Variants in SLC26A9 observed in about 807,000 individuals in gnomAD.
SLC26A9 encodes the protein anion transporter/exchanger protein 9.
In SLC26A9, 46 loss-of-function variants were observed where a neutral mutation model predicts 87.1. The ratio of observed to expected loss-of-function variants is 0.53; its 90% CI spans 0.42 to 0.67. The LOEUF is 0.67. Among genes scored for constraint, SLC26A9 ranks in the 30% least tolerant of loss-of-function variants. SLC26A9 has a pLI of 0.00. For synonymous variants in SLC26A9, 437 were observed against 409.1 expected, an observed-to-expected ratio of 1.07 and a Z score of -0.82; for missense variants, 927 against 1,018.3, an observed-to-expected ratio of 0.91 and a Z score of 1.22.
intron 20 of SLC26A9, among the ~76,000 whole-genome samples, chr1:205,916,839 T>C (rs1658611654): frequency 1.3e-5 from 2 of 152,160 alleles, no homozygotes; most frequent in South Asian, 2.1e-4. Context: ...TCGTGGCTTA[T>C]GCCTGTAATC....
intron 8 of SLC26A9, among the ~76,000 whole-genome samples, 169 bp downstream of exon 8, chr1:205,928,658 G>T (rs552935429): frequency 6.6e-6 from 1 of 152,294 alleles, no homozygotes; most frequent in South Asian, 2.1e-4. Flanking sequence ...ACATTGGCTG[G>T]TTGTGCGGCC....
intron 1 of SLC26A9, among the ~76,000 whole-genome samples, chr1:205,939,104 G>A (rs1375919666): frequency 1.3e-5 from 2 of 152,206 alleles, no homozygotes; most frequent in Non-Finnish European, 2.9e-5. Context: ...AAGGCTCTGG[G>A]AGCTTTCACA....
intron 1 of SLC26A9, among the ~76,000 whole-genome samples, chr1:205,940,520 A>G (rs767012511): frequency 2.6e-5 from 4 of 152,104 alleles, no homozygotes; most frequent in Non-Finnish European, 4.4e-5. Context: ...AACTATCATC[A>G]TTACTGCTAT....
Position 205,917,556 on chromosome 1 carries a change from A to T in SLC26A9, c.2257-202T>A, listed in dbSNP as rs146595142. 7.9e-3 allele frequency among the ~76,000 whole-genome samples: 1,207 copies of T among 152,272 alleles called. 13 individuals carry two copies. The highest frequency in any genetic ancestry group is 0.012 in the Non-Finnish European group (800 of 68,030). On this transcript the variant is annotated intron_variant, in intron 19 of 20. Transcript: ENST00000367135. ...TCCCCCTTATACCAGACAGGTGTGT[A>T]TCGCGGTCTTCCCTCCTTTGTGGGC...
intron 17 of SLC26A9, among the ~76,000 whole-genome samples, chr1:205,921,118 G>C (rs529954908): frequency 1.3e-5 from 2 of 152,244 alleles, no homozygotes; most frequent in Non-Finnish European, 1.5e-5. Flanking sequence ...ATTCATTCAA[G>C]GTGTCCCGTG....
At chr1:205,920,084 T>C (rs1658762242) in intron 18 of SLC26A9, 92 bp downstream of exon 18, 1 of 1,479,048 alleles carries the variant, frequency 6.8e-7, no homozygotes. Context: ...TGCTCTCGTT[T>C]CCAACCTCCT....
At position 205,932,984 on chromosome 1, in the gene SLC26A9, G is replaced by T. The variant is rs761801692; in HGVS notation, c.226C>A (p.Leu76Ile). Residue 76 changes from leucine to isoleucine, a missense_variant, in exon 3 of 21, where the codon CTC becomes ATC. Physicochemically the swap from Leu to Ile is conservative, Grantham distance 5 (BLOSUM62 2). Transcript: ENST00000367135. ...KIKDYIIPDL[L>I]GGLSGGSIQV... is the part of the protein sequence containing the mutation. ...ATGGATCCCCCGCTGAGTCCACCGAGCAGGTCAGGAATGATGTAGTCTTTA... is the reference window on the plus strand; with the variant it reads ...ATGGATCCCCCGCTGAGTCCACCGATCAGGTCAGGAATGATGTAGTCTTTA... 2 of 1,614,170 alleles carry T rather than the reference G, an allele frequency of 1.2e-6. No individual in the cohort carries two copies. Among genetic ancestry groups the T allele is most frequent in the South Asian group, 1.1e-5 (1 of 91,080 alleles).
chr1:205,920,247 G>C lies in SLC26A9; in HGVS notation c.2056-17C>G, dbSNP rs751558991. On this transcript the variant is annotated splice_polypyrimidine_tract_variant and intron_variant, in intron 17 of 20. Coordinates refer to ENST00000367135, the MANE Select transcript of SLC26A9 (RefSeq NM_052934.4). Reference sequence around the variant, plus strand: ...GGAGCTCAGCTAGAAGTGTTGTTGGGGTAGGGAGGCAAAAGGAAAGGAATG... The same window carrying C: ...GGAGCTCAGCTAGAAGTGTTGTTGGCGTAGGGAGGCAAAAGGAAAGGAATG... 6.2e-7 allele frequency: 1 copy of C among 1,613,876 alleles called. No individual in the cohort carries two copies. The highest frequency in any genetic ancestry group is 8.5e-7 in the Non-Finnish European group (1 of 1,179,814).
chr1:205,922,995 G>C (rs1356609886), intron 16 of SLC26A9, 87 bp downstream of exon 16: 12 of 1,299,442 alleles, frequency 9.2e-6, no homozygotes, highest in Non-Finnish European at 1.2e-5. Context: ...GTGGGAAGCG[G>C]GGCCCCCAGG....
chr1:205,933,027 C>A lies in SLC26A9; in HGVS notation c.183G>T (p.Trp61Cys). 1 of 1,614,072 alleles carries A rather than the reference C, an allele frequency of 6.2e-7. No individual in the cohort carries two copies. The highest frequency in any genetic ancestry group is 1.3e-5 in the African/African-American group (1 of 74,988). ...VVFGLLPVLS[W>C]LPKYKIKDYI... ...AGTCTTTAATCTTGTACTTGGGGAG[C>A]CAGGAGAGCACAGGCAGCAGCCCAA... The change falls in exon 3 of 21, where the codon TGG (tryptophan) becomes TGT (cysteine). Residue 61 changes from tryptophan to cysteine, a missense_variant. Trp to Cys is a radical substitution (Grantham distance 215, BLOSUM62 -2). Coordinates refer to ENST00000367135, the MANE Select transcript of SLC26A9 (RefSeq NM_052934.4).
Position 205,920,156 on chromosome 1 carries a change from A to C in SLC26A9, c.2110+20T>G. 1.2e-6 allele frequency: 2 copies of C among 1,613,584 alleles called. No individual in the cohort carries two copies. The highest frequency in any genetic ancestry group is 1.7e-6 in the Non-Finnish European group (2 of 1,179,588). On this transcript the variant is annotated intron_variant, in intron 18 of 20. Transcript: ENST00000367135. ...ACTCCTTGCCAGTCTTTCAGTCCCT[A>C]AATGTCCTCTTTCTCTTACCATGGA...
In SLC26A9 at chr1:205,929,946, C is replaced by T. The variant is rs759461346; in HGVS notation, c.663G>A (p.Lys221=). The T allele has an allele frequency of 6.2e-7, 1 of 1,613,692 alleles. No individual in the cohort carries two copies. Among genetic ancestry groups the T allele is most frequent in the Non-Finnish European group, 8.5e-7 (1 of 1,179,636 alleles). The change falls in exon 6 of 21, where the codon AAG becomes AAA. Residue 221 remains lysine, a synonymous_variant. Coordinates refer to ENST00000367135, the MANE Select transcript of SLC26A9 (RefSeq NM_052934.4). Reference sequence around the variant, plus strand: ...AGGGGATGGTCAGTCCGAAGATGTACTTGAGCACCGAAATCAGGATCTGCA... The same window carrying T: ...AGGGGATGGTCAGTCCGAAGATGTATTTGAGCACCGAAATCAGGATCTGCA... ...AGLQILISVL[K]YIFGLTIPSY...
In SLC26A9 at chr1:205,932,024, C is replaced by T. The variant is rs141991495; in HGVS notation, c.388G>A (p.Val130Ile). ...ATGTTACCCACCAGGATGCTGATAA[C>T]GGCAAAGGTACCTGTGGTGCCCCAC... Reference protein sequence around the residue: ...VHQMVPGTFAVISILVGNICL... With the variant: ...VHQMVPGTFAIISILVGNICL... The change falls in exon 5 of 21, where the codon GTT (valine) becomes ATT (isoleucine). Residue 130 changes from valine to isoleucine, a missense_variant. Transcript: ENST00000367135. The T allele has an allele frequency of 4.3e-4, 693 of 1,613,986 alleles. No homozygotes were observed. Among genetic ancestry groups the T allele is most frequent in the Non-Finnish European group, 5.7e-4 (670 of 1,179,960 alleles).
chr1:205,921,548 T>A lies in SLC26A9; in HGVS notation c.2055+18A>T. 1.9e-6 allele frequency: 3 copies of A among 1,598,776 alleles called. No individual in the cohort carries two copies. Among genetic ancestry groups the A allele is most frequent in the African/African-American group, 2.7e-5 (2 of 74,604 alleles). ...AGGGGGTGGAGTGGGTGGTGCTTGC[T>A]GTTCCCGAGGGCCTCACCTTGGCCA... On this transcript the variant is annotated intron_variant, in intron 17 of 20. Coordinates refer to ENST00000367135, the MANE Select transcript of SLC26A9 (RefSeq NM_052934.4).
chr1:205,926,120 A>T (rs868305683), intron 12 of SLC26A9, among the ~76,000 whole-genome samples: 12 of 151,806 alleles, frequency 7.9e-5, no homozygotes, highest in African/African-American at 1.5e-4. Context: ...GTTTTTTTTT[A>T]AAATACAAAC....
At chr1:205,922,359 G>GA (rs1343281689) in intron 16 of SLC26A9, among the ~76,000 whole-genome samples, 2 of 152,156 alleles carry the variant, frequency 1.3e-5, no homozygotes, top group African/African-American at 4.8e-5. Flanking sequence ...GGCTGGTCTC[G>GA]AACTCCTGAA....
chr1:205,939,364 C>A (rs1317644041), intron 1 of SLC26A9, among the ~76,000 whole-genome samples: 1 of 152,170 alleles, frequency 6.6e-6, no homozygotes, highest in Non-Finnish European at 1.5e-5. Context: ...GGTGACCTTG[C>A]CACCCCAGCT....
intron 8 of SLC26A9, 126 bp from the exon 9 acceptor site, chr1:205,928,175 C>G: frequency 8.6e-7 from 1 of 1,162,944 alleles, no homozygotes; most frequent in East Asian, 2.6e-5. Flanking sequence ...CTAAGTTATC[C>G]CATCCAGTCT....
chr1:205,918,344 T>C (rs748450187), intron 19 of SLC26A9, among the ~76,000 whole-genome samples: 2 of 152,182 alleles, frequency 1.3e-5, no homozygotes, highest in Non-Finnish European at 2.9e-5. Context: ...GTAAATTAAA[T>C]GTCAAAAAGC....
Sources: allele counts gnomAD v4.1 joint callset (sites outside exome capture counted in the v4.1 genomes callset), GRCh38; gene constraint gnomAD v4.1.1; transcripts MANE v1.5; gene names NCBI Gene and HGNC (gene_info 2026-07-23, HGNC 2026-07-21).